COBLL1: variants seen among roughly 807,000 people sequenced by gnomAD.
COBLL1 encodes cordon-bleu protein-like 1.
COBLL1 carries 50 observed loss-of-function variants against 94.8 expected under a neutral mutation model. The observed-to-expected ratio is 0.53, with a 90% CI of 0.42 to 0.67. The LOEUF is 0.67. Among genes scored for constraint, COBLL1 ranks in the 30% least tolerant of loss-of-function variants. COBLL1 has a pLI of 0.00. For synonymous variants in COBLL1, 448 were observed against 473.8 expected, an observed-to-expected ratio of 0.95 and a Z score of 0.71; for missense variants, 1,362 against 1,348.7, an observed-to-expected ratio of 1.01 and a Z score of -0.15.
At chr2:164,786,234 G>A (rs1014903863) in intron 2 of COBLL1, among the ~76,000 whole-genome samples, 1 of 152,110 alleles carries the variant, frequency 6.6e-6, no homozygotes, top group Non-Finnish European at 1.5e-5. Flanking sequence ...ACAGTACTTT[G>A]ATACATGTAA....
At chr2:164,672,620 AC>A (rs1473754083) in intron 1 of COBLL1, among the ~76,000 whole-genome samples, 1 of 147,632 alleles carries the variant, frequency 6.8e-6, no homozygotes, top group African/African-American at 2.5e-5. Context: ...AATGGCGTGA[AC>A]CCGGGAAGCG....
Position 164,841,518 on chromosome 2 carries a change from T to G in COBLL1, c.-51+192A>C. The G allele has an allele frequency of 1.9e-6, 2 of 1,033,700 alleles. No individual in the cohort carries two copies. The highest frequency in any genetic ancestry group is 1.7e-5 in the African/African-American group (1 of 59,208). The allele number at this position is 1,033,700 out of a possible 1,614,324, so 64.0% of individuals were successfully genotyped here. On this transcript the variant is annotated intron_variant, in intron 1 of 13. Coordinates refer to ENST00000652658, the MANE Select transcript of COBLL1 (RefSeq NM_001365672.2). This position sits in a 1 kb window ranked among gnomAD's most constrained non-coding sequence, Gnocchi z 5.5. ...TTACTGGGTAGCCATTTGGCGCCTC[T>G]CGGAGGGAGAGGAGCCGCCGGGGCT...
At chr2:164,751,373 C>T (rs1347074864) in intron 2 of COBLL1, among the ~76,000 whole-genome samples, 1 of 151,824 alleles carries the variant, frequency 6.6e-6, no homozygotes, top group Non-Finnish European at 1.5e-5. Flanking sequence ...AGATGGGGTT[C>T]TCTATGAGCA....
intron 7 of COBLL1, among the ~76,000 whole-genome samples, chr2:164,706,934 T>A (rs1416100220): frequency 1.3e-5 from 2 of 152,148 alleles, no homozygotes; most frequent in Non-Finnish European, 2.9e-5. Context: ...TATAAGTCCA[T>A]TAACAACCCG....
chr2:164,748,377 TA>T (rs1259518088), intron 2 of COBLL1, among the ~76,000 whole-genome samples: 33 of 152,170 alleles, frequency 2.2e-4, no homozygotes, highest in African/African-American at 7.5e-4. Flanking sequence ...GGCTCCGAAG[TA>T]ATAACAAAAT....
intron 5 of COBLL1, among the ~76,000 whole-genome samples, chr2:164,725,804 A>G (rs1397424679): frequency 6.6e-6 from 1 of 152,230 alleles, no homozygotes; most frequent in Non-Finnish European, 1.5e-5. Context: ...TTAAAGCTCT[A>G]CATCAGGGAT....
chr2:164,784,964 C>T (rs1040194574), intron 2 of COBLL1, among the ~76,000 whole-genome samples: 13 of 151,974 alleles, frequency 8.6e-5, no homozygotes, highest in East Asian at 3.9e-4. Context: ...GTTTAGGTCA[C>T]GAGGGCTCCA....
At chr2:164,663,120 TTGTTTTATCA>T (rs1691097960) in intron 2 of COBLL1, among the ~76,000 whole-genome samples, 2 of 152,212 alleles carry the variant, frequency 1.3e-5, no homozygotes, top group African/African-American at 4.8e-5. Flanking sequence ...CCATTTTGTT[TTGTTTTATCA>T]TGTTTTATTG....
intron 13 of COBLL1, chr2:164,687,674 T>C (rs1683373275): frequency 2.6e-6 from 2 of 774,794 alleles, no homozygotes; most frequent in Non-Finnish European, 4.6e-6. Context: ...GAGCAACCTA[T>C]AGAGGAAACA....
chr2:164,660,905 T>A (rs1305509839), intron 2 of COBLL1, among the ~76,000 whole-genome samples: 1 of 152,172 alleles, frequency 6.6e-6, no homozygotes, highest in Non-Finnish European at 1.5e-5. Flanking sequence ...CTAATGGGAC[T>A]CTCATTTCCT....
At chr2:164,759,539 T>C (rs1386594995) in intron 2 of COBLL1, among the ~76,000 whole-genome samples, 1 of 152,132 alleles carries the variant, frequency 6.6e-6, no homozygotes, top group Non-Finnish European at 1.5e-5. Context: ...ATAGATTTAG[T>C]ATACATATAT....
In COBLL1 at chr2:164,841,380, C is replaced by G. The variant is rs1003439908; in HGVS notation, c.-50-134G>C. On this transcript the variant is annotated intron_variant, in intron 1 of 13. Transcript: ENST00000652658. This position sits in a 1 kb window ranked among gnomAD's most constrained non-coding sequence, Gnocchi z 5.5. Reference sequence around the variant, plus strand: ...GCCCGCCTCCCGGGTGCGCTTCCACCTGCGGGCCCCGGCTCCCAGCCCGCG... The same window carrying G: ...GCCCGCCTCCCGGGTGCGCTTCCACGTGCGGGCCCCGGCTCCCAGCCCGCG... 18 of 1,180,632 alleles carry G rather than the reference C, an allele frequency of 1.5e-5. No homozygotes were observed. Among genetic ancestry groups the G allele is most frequent in the Non-Finnish European group, 1.7e-5 (16 of 955,702 alleles). The allele number at this position is 1,180,632 out of a possible 1,614,324, so 73.1% of individuals were successfully genotyped here.
Position 164,800,677 on chromosome 2 carries a change from TAAAG to T in COBLL1, c.41+40475_41+40478del, listed in dbSNP as rs971536670. ...AACTGGTATTCAATGGGTGAATGGA[TAAAG>T]AAACTGCAGTACATCCATACTACAA... On this transcript the variant is annotated intron_variant, in intron 2 of 13. Transcript: ENST00000652658. 36 of 639,932 alleles carry T rather than the reference TAAAG, an allele frequency of 5.6e-5. No homozygotes were observed. The Middle Eastern group carries it at 1.3e-3, about 23-fold the overall frequency. 39.6% of individuals were successfully genotyped at this position (639,932 alleles called of 1,614,324 possible). A position where few individuals can be genotyped will look rare whatever the true frequency, so the allele number is the denominator to read the frequency against.
intron 2 of COBLL1, among the ~76,000 whole-genome samples, chr2:164,826,674 C>T (rs551988040): frequency 6.6e-6 from 1 of 152,352 alleles, no homozygotes; most frequent in Admixed American, 6.5e-5. Flanking sequence ...CAGTAGCTGC[C>T]TGCCAAGTGC....
At chr2:164,814,405 A>G (rs1464425298) in intron 2 of COBLL1, among the ~76,000 whole-genome samples, 2 of 152,176 alleles carry the variant, frequency 1.3e-5, no homozygotes, top group African/African-American at 4.8e-5. Context: ...ACTTTCTGCT[A>G]GGTGATCAAT....
intron 2 of COBLL1, among the ~76,000 whole-genome samples, chr2:164,781,114 C>A (rs1688703793): frequency 6.6e-6 from 1 of 152,114 alleles, no homozygotes; most frequent in Non-Finnish European, 1.5e-5. Context: ...GCTTCAAAAT[C>A]AAAAACACAA....
Position 164,685,776 on chromosome 2 carries a change from T to C in COBLL1, c.*170A>G. The C allele has an allele frequency of 2.5e-6, 1 of 402,096 alleles. No individual in the cohort carries two copies. The highest frequency in any genetic ancestry group is 4.4e-6 in the Non-Finnish European group (1 of 225,270). 24.9% of individuals were successfully genotyped at this position (402,096 alleles called of 1,614,324 possible). On this transcript the variant is annotated 3_prime_UTR_variant, in exon 14 of 14. Transcript: ENST00000652658. ...AAAAAGATCAAAAAATTACTATAAATTATAAATTCTGGTAACTTTTCTTCT... is the reference window on the plus strand; with the variant it reads ...AAAAAGATCAAAAAATTACTATAAACTATAAATTCTGGTAACTTTTCTTCT...
At chr2:164,658,258 C>G (rs1052375208) in intron 2 of COBLL1, among the ~76,000 whole-genome samples, 1 of 152,142 alleles carries the variant, frequency 6.6e-6, no homozygotes, top group Non-Finnish European at 1.5e-5. Flanking sequence ...TCCCCCCTCT[C>G]AACAGGAAAA....
chr2:164,700,474 A>G, intron 10 of COBLL1, 48 bp downstream of exon 10: 1 of 1,140,336 alleles, frequency 8.8e-7, no homozygotes, highest in Non-Finnish European at 1.3e-6. Context: ...GAAGACTAGT[A>G]TTAATTAAAC....
Sources: allele counts gnomAD v4.1 joint callset (sites outside exome capture counted in the v4.1 genomes callset), GRCh38; gene constraint gnomAD v4.1.1; non-coding constraint Gnocchi (gnomAD v3.1); transcripts MANE v1.5; gene names NCBI Gene and HGNC (gene_info 2026-07-23, HGNC 2026-07-21).